MAP2K1: variants seen among roughly 807,000 people sequenced by gnomAD.
MAP2K1 encodes the protein mitogen-activated protein kinase kinase 1, also known as dual specificity mitogen-activated protein kinase kinase 1.
A neutral mutation model predicts 46.3 loss-of-function variants in MAP2K1; 16 were observed. The ratio of observed to expected loss-of-function variants is 0.35; its 90% CI spans 0.23 to 0.52. The LOEUF (loss-of-function observed/expected upper bound fraction) is 0.52, where lower values mean the gene tolerates loss of function less well. Among genes scored for constraint, MAP2K1 ranks in the 20% least tolerant of loss-of-function variants. The pLI, the probability that MAP2K1 is intolerant of heterozygous loss-of-function variation, is 0.94. For missense variants in MAP2K1, 263 were observed against 497.1 expected (o/e 0.53, Z 4.48); for synonymous variants, 183 against 185.6 (o/e 0.99, Z 0.11).
chr15:66,402,149 A>T (rs773359027), intron 1 of MAP2K1, among the ~76,000 whole-genome samples: 5 of 152,234 alleles, frequency 3.3e-5, no homozygotes, highest in South Asian at 4.1e-4. Flanking sequence ...TTAAATATTC[A>T]AAAGCGTGTT....
intron 10 of MAP2K1, chr15:66,490,120 G>A: frequency 1.9e-6 from 1 of 518,162 alleles, no homozygotes; most frequent in Non-Finnish European, 3.5e-6. Flanking sequence ...TGTCTCGTTT[G>A]GTGGCAGTGG....
At chr15:66,477,692 T>C (rs1892786878) in intron 5 of MAP2K1, among the ~76,000 whole-genome samples, 1 of 152,140 alleles carries the variant, frequency 6.6e-6, no homozygotes, top group South Asian at 2.1e-4. Context: ...TAACAGATCA[T>C]GCCTAAACAG....
intron 1 of MAP2K1, among the ~76,000 whole-genome samples, chr15:66,416,685 T>G (rs1401043537): frequency 1.3e-5 from 2 of 152,198 alleles, no homozygotes; most frequent in Admixed American, 6.5e-5. Context: ...GGAATTTGGC[T>G]CCTTTTCCTT....
Position 66,386,941 on chromosome 15 carries a change from G to A in MAP2K1, c.-407G>A, listed in dbSNP as rs1003456822. ...CCTCCCAGGGCCGCTTCGCAGAGCGGCTAGGAGCACGGCGGCGGCGGCACT... is the reference window on the plus strand; with the variant it reads ...CCTCCCAGGGCCGCTTCGCAGAGCGACTAGGAGCACGGCGGCGGCGGCACT... On this transcript the variant is annotated 5_prime_UTR_variant, in exon 1 of 11. Coordinates refer to ENST00000307102, the MANE Select transcript of MAP2K1 (RefSeq NM_002755.4). 23 of 252,648 alleles carry A rather than the reference G, an allele frequency of 9.1e-5. No homozygotes were observed. In the Admixed American group the frequency reaches 1.3e-3, roughly 14 times the overall value. 15.7% of individuals were successfully genotyped at this position (252,648 alleles called of 1,614,324 possible).
intron 5 of MAP2K1, among the ~76,000 whole-genome samples, chr15:66,467,215 C>A (rs1445149778): frequency 6.6e-6 from 1 of 152,038 alleles, no homozygotes; most frequent in Non-Finnish European, 1.5e-5. Context: ...GCCTGGTCAA[C>A]AAGAGCGAAA....
At chr15:66,409,360 C>T (rs1349716186) in intron 1 of MAP2K1, among the ~76,000 whole-genome samples, 1 of 152,102 alleles carries the variant, frequency 6.6e-6, no homozygotes, top group East Asian at 1.9e-4. Context: ...TTCTCTTAGC[C>T]TTATGCCTGG....
chr15:66,437,134 G>A (rs1034730297), intron 3 of MAP2K1, among the ~76,000 whole-genome samples: 1 of 152,190 alleles, frequency 6.6e-6, no homozygotes, highest in Non-Finnish European at 1.5e-5. Flanking sequence ...TGTACCTAGA[G>A]CACCTCTCAT....
intron 1 of MAP2K1, among the ~76,000 whole-genome samples, chr15:66,422,308 G>A (rs1180902875): frequency 6.6e-6 from 1 of 152,106 alleles, no homozygotes; most frequent in Non-Finnish European, 1.5e-5. Context: ...ACCTATAAGT[G>A]TGTGTGACTT....
At position 66,484,977 on chromosome 15, in the gene MAP2K1, G is replaced by GTC. The variant is rs113913469; in HGVS notation, c.694-8_694-7dup. 4,041 of 1,610,890 alleles carry GTC rather than the reference G, an allele frequency of 2.5e-3. 81 individuals are homozygous for GTC. In the African/African-American group the frequency reaches 0.047, roughly 19 times the overall value. Reference sequence around the variant, plus strand: ...TTAGGTTAGGTGATTATCACTGTCTGTCTCTCCTGCAGCCAGAAAGACTCC... The same window carrying GTC: ...TTAGGTTAGGTGATTATCACTGTCTGTCTCTCTCCTGCAGCCAGAAAGACTCC... On this transcript the variant is annotated splice_polypyrimidine_tract_variant and intron_variant, in intron 6 of 10. Transcript: ENST00000307102.
chr15:66,462,691 G>C (rs1163554778), intron 5 of MAP2K1, among the ~76,000 whole-genome samples: 1 of 152,094 alleles, frequency 6.6e-6, no homozygotes, highest in Non-Finnish European at 1.5e-5. Flanking sequence ...GTTCCAAGGA[G>C]AGGGACTCTT....
chr15:66,401,373 T>A (rs2093381165), intron 1 of MAP2K1, among the ~76,000 whole-genome samples: 1 of 152,214 alleles, frequency 6.6e-6, no homozygotes, highest in Non-Finnish European at 1.5e-5. Context: ...TCAGAACTTT[T>A]TTTTTCAGTT....
chr15:66,398,129 G>T (rs1487765379), intron 1 of MAP2K1, among the ~76,000 whole-genome samples: 1 of 151,252 alleles, frequency 6.6e-6, no homozygotes, highest in Non-Finnish European at 1.5e-5. Flanking sequence ...ATAAGGGTGG[G>T]CATGGTGGCA....
At chr15:66,387,520 C>A in intron 1 of MAP2K1, 93 bp downstream of exon 1, 2 of 1,283,708 alleles carry the variant, frequency 1.6e-6, no homozygotes, top group Non-Finnish European at 2.2e-6. Context: ...TCTGGTTTGT[C>A]ACGTACGTCT....
chr15:66,490,885 T>A lies in MAP2K1; in HGVS notation c.*270T>A. The A allele has an allele frequency of 1.9e-6, 1 of 520,616 alleles. No homozygotes were observed. The highest frequency in any genetic ancestry group is 3.4e-5 in the East Asian group (1 of 29,632). The allele number at this position is 520,616 out of a possible 1,614,324, so 32.2% of individuals were successfully genotyped here. ...GATCAAAACCTGTGCCAGGCTGAAT[T>A]ACAGTGAAATTTTGGTGAATGTGGG... On this transcript the variant is annotated 3_prime_UTR_variant, in exon 11 of 11. Transcript: ENST00000307102.
At position 66,407,020 on chromosome 15, in the gene MAP2K1, A is replaced by G. The variant is rs371249370; in HGVS notation, c.80+19593A>G. Among the ~76,000 whole-genome samples the G allele has an allele frequency of 6.2e-4, 94 of 152,298 alleles. 1 individual carries two copies. The highest frequency in any genetic ancestry group is 2.1e-3 in the African/African-American group (89 of 41,560). On this transcript the variant is annotated intron_variant, in intron 1 of 10. Transcript: ENST00000307102. ...TCAAAACAAAACAAAACAAAAAAAA[A>G]GATTGTGGCAACAGCTGGAAGGGGT...
In MAP2K1 at chr15:66,420,950, TACAC is replaced by T. The variant is rs1184517266; in HGVS notation, c.81-14075_81-14072del. Among the ~76,000 whole-genome samples the T allele has an allele frequency of 4.0e-4, 26 of 64,530 alleles. 1 individual carries two copies. The East Asian group carries it at 7.2e-3, about 18-fold the overall frequency. 42.3% of individuals were successfully genotyped at this position (64,530 alleles called of 152,430 possible). ...ATATATACACACATACATATATACA[TACAC>T]ATACATATATACACACACATACATA... On this transcript the variant is annotated intron_variant, in intron 1 of 10. Coordinates refer to ENST00000307102, the MANE Select transcript of MAP2K1 (RefSeq NM_002755.4).
intron 3 of MAP2K1, among the ~76,000 whole-genome samples, chr15:66,440,016 A>G (rs1182393728): frequency 6.6e-6 from 1 of 151,964 alleles, no homozygotes; most frequent in Non-Finnish European, 1.5e-5. Context: ...TAGATTCTAC[A>G]ACTTATGTTT....
At chr15:66,458,114 T>C (rs572090143) in intron 5 of MAP2K1, among the ~76,000 whole-genome samples, 2 of 152,296 alleles carry the variant, frequency 1.3e-5, no homozygotes, top group South Asian at 4.1e-4. Context: ...TGCCAAAATT[T>C]ATGTCGAGTC....
intron 1 of MAP2K1, among the ~76,000 whole-genome samples, chr15:66,417,061 A>G (rs562281622): frequency 1.3e-5 from 2 of 152,344 alleles, no homozygotes; most frequent in South Asian, 2.1e-4. Flanking sequence ...GTTCTCTAGT[A>G]GGACCAGATC....
Sources: allele counts gnomAD v4.1 joint callset (sites outside exome capture counted in the v4.1 genomes callset), GRCh38; gene constraint gnomAD v4.1.1; transcripts MANE v1.5; gene names NCBI Gene and HGNC (gene_info 2026-07-23, HGNC 2026-07-21).